KLRD1: variants seen among roughly 807,000 people sequenced by gnomAD.
KLRD1 encodes the protein killer cell lectin like receptor D1.
KLRD1 carries 21 observed loss-of-function variants against 22.6 expected under a neutral mutation model. The observed-to-expected ratio is 0.93, with a 90% CI of 0.66 to 1.34. KLRD1 has a LOEUF of 1.34. KLRD1 is among the 40% of genes most tolerant of loss of function. The probability of loss-of-function intolerance (pLI) is 0.00; values close to 1 mark genes in which losing one functional copy is unlikely to be tolerated. For missense variants in KLRD1, 183 were observed against 208.6 expected (o/e 0.88, Z 0.76); for synonymous variants, 59 against 71.1 (o/e 0.83, Z 0.85).
chr12:10,248,536 TCCTTCCTTCCTTCCTTCC>T (rs1565446956), intron 1 of KLRD1, among the ~76,000 whole-genome samples: 78 of 112,304 alleles, frequency 6.9e-4, no homozygotes, highest in East Asian at 5.2e-3. Context: ...TTCTTTTCCT[TCCTTCCTTCCTTCCTTCC>T]TTCCTTCCTT....
chr12:10,275,312 T>C (rs1041556485), intron 1 of KLRD1, among the ~76,000 whole-genome samples: 1 of 152,246 alleles, frequency 6.6e-6, no homozygotes, highest in African/African-American at 2.4e-5. Context: ...AATTTATTCA[T>C]GGTAAATCAT....
In KLRD1 at chr12:10,322,680, A is replaced by G. The variant is rs1379778240; in HGVS notation, c.*7887A>G. The G allele has an allele frequency of 6.6e-6, 1 of 152,202 alleles. No homozygotes were observed. The highest frequency in any genetic ancestry group is 1.5e-5 in the Non-Finnish European group (1 of 68,040). 9.4% of individuals were successfully genotyped at this position (152,202 alleles called of 1,614,324 possible). A position where few individuals can be genotyped will look rare whatever the true frequency, so the allele number is the denominator to read the frequency against. Reference sequence around the variant, plus strand: ...CATTGATTACAGTTTACCTCTTCATATATTTTAATTGAGCAAAAACACAAT... The same window carrying G: ...CATTGATTACAGTTTACCTCTTCATGTATTTTAATTGAGCAAAAACACAAT... On this transcript the variant is annotated 3_prime_UTR_variant, in exon 6 of 6. Transcript: ENST00000336164.
chr12:10,308,376 A>C, intron 1 of KLRD1: 1 of 416,534 alleles, frequency 2.4e-6, no homozygotes, highest in Non-Finnish European at 4.4e-6. Flanking sequence ...TGTGAGCAAC[A>C]GTGTTCTAGT....
chr12:10,301,589 A>G (rs1478276162), upstream of KLRD1, among the ~76,000 whole-genome samples: 2 of 152,216 alleles, frequency 1.3e-5, no homozygotes, highest in South Asian at 2.1e-4. Flanking sequence ...TCTCTGCTGC[A>G]AACCTGCAGT....
intron 1 of KLRD1, among the ~76,000 whole-genome samples, chr12:10,294,408 C>T (rs548457778): frequency 7.2e-5 from 11 of 151,978 alleles, no homozygotes; most frequent in Admixed American, 3.3e-4. Flanking sequence ...TTTTTTTGTT[C>T]GTTTTTTTGA....
At chr12:10,270,234 G>A (rs1379096167) in intron 1 of KLRD1, among the ~76,000 whole-genome samples, 1 of 152,064 alleles carries the variant, frequency 6.6e-6, no homozygotes, top group Non-Finnish European at 1.5e-5. Context: ...AAAATTACTT[G>A]TATATAATTA....
At chr12:10,257,086 C>G (rs1041762383) in intron 1 of KLRD1, among the ~76,000 whole-genome samples, 1 of 150,702 alleles carries the variant, frequency 6.6e-6, no homozygotes, top group African/African-American at 2.4e-5. Flanking sequence ...TATCAAGGAG[C>G]CCTTGTTTGT....
At chr12:10,271,901 A>G (rs1565455187) in intron 1 of KLRD1, among the ~76,000 whole-genome samples, 1 of 152,166 alleles carries the variant, frequency 6.6e-6, no homozygotes, top group Non-Finnish European at 1.5e-5. Context: ...ATATACAGGT[A>G]ACAATACAAT....
chr12:10,299,181 C>T (rs190829958), intron 1 of KLRD1, among the ~76,000 whole-genome samples: 7 of 149,620 alleles, frequency 4.7e-5, no homozygotes, highest in East Asian at 2.0e-4. Context: ...TTCCATTCTG[C>T]GTTTTTTTTT....
intron 1 of KLRD1, among the ~76,000 whole-genome samples, chr12:10,257,770 G>A (rs952430264): frequency 4.0e-5 from 6 of 151,866 alleles, no homozygotes; most frequent in African/African-American, 1.4e-4. Flanking sequence ...AATGGGTTGT[G>A]TTTTCCTGTT....
rs973754186 is a variant in KLRD1, at chr12:10,313,619, T to C, written c.419+106T>C. The C allele has an allele frequency of 5.5e-5, 32 of 585,942 alleles. No individual in the cohort carries two copies. The African/African-American group carries it at 5.9e-4, about 11-fold the overall frequency. The allele number at this position is 585,942 out of a possible 1,614,324, so 36.3% of individuals were successfully genotyped here. On this transcript the variant is annotated intron_variant, in intron 5 of 5. Coordinates refer to ENST00000336164, the MANE Select transcript of KLRD1 (RefSeq NM_002262.5). Reference sequence around the variant, plus strand: ...GCACTGTGGCTGAAATAACCTTGTCTAGGGCATGAGAATACAGTAAAAGGA... The same window carrying C: ...GCACTGTGGCTGAAATAACCTTGTCCAGGGCATGAGAATACAGTAAAAGGA...
chr12:10,268,908 A>T (rs1479764545), intron 1 of KLRD1, among the ~76,000 whole-genome samples: 1 of 152,186 alleles, frequency 6.6e-6, no homozygotes, highest in Non-Finnish European at 1.5e-5. Context: ...TTAAACCAGA[A>T]TTTTATCATT....
chr12:10,239,481 CCTT>C lies in KLRD1; in HGVS notation c.-101+13253_-101+13255del, dbSNP rs200863106. Among the ~76,000 whole-genome samples the C allele has an allele frequency of 6.3e-3, 511 of 81,314 alleles. 34 individuals carry two copies. The highest frequency in any genetic ancestry group is 0.029 in the African/African-American group (469 of 16,080). The allele number at this position is 81,314 out of a possible 152,430, so 53.3% of individuals were successfully genotyped here. On this transcript the variant is annotated intron_variant, in intron 1 of 5. Coordinates refer to the KLRD1 transcript ENST00000544747. The stretch of plus-strand genomic sequence containing the variant: ...TCCTTCCTTCCTTCCTTCCTTCCTT[CCTT>C]CTTCCTTCCTTCCTTCCTTCCCTCC...
intron 1 of KLRD1, among the ~76,000 whole-genome samples, chr12:10,266,000 G>T (rs1304135757): frequency 6.6e-6 from 1 of 152,026 alleles, no homozygotes; most frequent in Admixed American, 6.6e-5. Flanking sequence ...CAGCAAAAAA[G>T]ATCACTGTAA....
intron 1 of KLRD1, among the ~76,000 whole-genome samples, chr12:10,250,232 G>A (rs1949333591): frequency 2.6e-4 from 2 of 7,824 alleles, no homozygotes; most frequent in Non-Finnish European, 0.011. Context: ...TTTTTTAGGG[G>A]GGCTGTTATG....
chr12:10,252,248 G>A (rs1250136521), intron 1 of KLRD1, among the ~76,000 whole-genome samples: 7 of 152,084 alleles, frequency 4.6e-5, no homozygotes, highest in Non-Finnish European at 8.8e-5. Flanking sequence ...ACCAGCTTCA[G>A]CAACATATTT....
In KLRD1 at chr12:10,324,749, T is replaced by C. The variant is rs1950343187; in HGVS notation, c.*9956T>C. On this transcript the variant is annotated 3_prime_UTR_variant, in exon 6 of 6. Transcript: ENST00000336164. ...TAGTCTATTGTTTTTAAAGCTATTA[T>C]ACATTTTATTTTCTAATTTCAAATG... is the stretch of plus-strand genomic sequence containing the variant. The C allele has an allele frequency of 1.3e-5, 2 of 149,006 alleles. No individual in the cohort carries two copies. The highest frequency in any genetic ancestry group is 6.7e-5 in the Admixed American group (1 of 14,866). 9.2% of individuals were successfully genotyped at this position (149,006 alleles called of 1,614,324 possible). A position where few individuals can be genotyped will look rare whatever the true frequency, so the allele number is the denominator to read the frequency against.
At chr12:10,278,731 T>C (rs923386766) in intron 1 of KLRD1, among the ~76,000 whole-genome samples, 1 of 152,240 alleles carries the variant, frequency 6.6e-6, no homozygotes, top group African/African-American at 2.4e-5. Flanking sequence ...AGTTATTTGC[T>C]ACTGATTGCT....
Position 10,274,734 on chromosome 12 carries a change from AATTAT to A in KLRD1, c.-100-33240_-100-33236del, listed in dbSNP as rs539873625. 2.7e-3 allele frequency among the ~76,000 whole-genome samples: 414 copies of A among 152,274 alleles called. 4 individuals carry two copies. Among genetic ancestry groups the A allele is most frequent in the Non-Finnish European group, 7.5e-4 (51 of 68,026 alleles). On this transcript the variant is annotated intron_variant, in intron 1 of 5. Transcript: ENST00000544747. ...CAATATATTATTTTGTCTTTCAAAA[AATTAT>A]ATTTAGTTCTTTTACAACTCCATAA... is the stretch of plus-strand genomic sequence containing the variant.
Sources: gnomAD v4.1 joint callset for allele counts (sites outside exome capture counted in the v4.1 genomes callset) on GRCh38, gnomAD v4.1.1 for gene constraint, MANE v1.5 for transcripts, NCBI Gene and HGNC (gene_info 2026-07-23, HGNC 2026-07-21) for gene names.